PEDS1: variants seen among roughly 807,000 people sequenced by gnomAD.
PEDS1 encodes plasmanylethanolamine desaturase 1.
A neutral mutation model predicts 35.2 loss-of-function variants in PEDS1; 14 were observed. The ratio of observed to expected loss-of-function variants is 0.40; its 90% CI spans 0.26 to 0.62. The LOEUF (loss-of-function observed/expected upper bound fraction) is 0.62, where lower values mean the gene tolerates loss of function less well. Ranked by LOEUF, PEDS1 falls within the 20% of genes least tolerant of loss-of-function variation. The pLI is 0.44. For synonymous variants in PEDS1, 152 were observed against 152.0 expected, an observed-to-expected ratio of 1.00 and a Z score of 0.00; for missense variants, 260 against 367.8, an observed-to-expected ratio of 0.71 and a Z score of 2.40.
Position 50,129,412 on chromosome 20 carries a change from T to C in PEDS1, c.478+134A>G, listed in dbSNP as rs537247029. ...CATCTTCATGTCAGGTTTCCTGATT[T>C]TACATGAAGACAATGAATGAAAACT... On this transcript the variant is annotated intron_variant, in intron 4 of 5. Transcript: ENST00000371652. This position sits in a 1 kb window ranked among gnomAD's most constrained non-coding sequence, Gnocchi z 4.2. The C allele has an allele frequency of 2.9e-6, 4 of 1,357,504 alleles. No individual in the cohort carries two copies. The East Asian group carries it at 1.0e-4, about 34-fold the overall frequency. The allele number at this position is 1,357,504 out of a possible 1,614,324, so 84.1% of individuals were successfully genotyped here.
intron 1 of PEDS1, chr20:50,151,188 A>G: frequency 8.0e-7 from 1 of 1,256,248 alleles, no homozygotes; most frequent in Admixed American, 2.3e-5. Flanking sequence ...TGGAGAAACC[A>G]GTTTGGCAAG....
In PEDS1 at chr20:50,128,342, G is replaced by C. The variant is rs528845990; in HGVS notation, c.479-155C>G. 7.9e-5 allele frequency among the ~76,000 whole-genome samples: 12 copies of C among 152,330 alleles called. No homozygotes were observed. Among genetic ancestry groups the C allele is most frequent in the African/African-American group, 2.4e-4 (10 of 41,576 alleles). On this transcript the variant is annotated intron_variant, in intron 4 of 5. Coordinates refer to ENST00000371652, the MANE Select transcript of PEDS1 (RefSeq NM_199129.4). This position sits in a 1 kb window ranked among gnomAD's most constrained non-coding sequence, Gnocchi z 5.2. ...CCTGCAGGGCCGCAGGCAAGCTCAG[G>C]TGCTGCCCTGGGCTTCAGGCTTTCC...
intron 5 of PEDS1, 146 bp downstream of exon 5, chr20:50,127,829 G>A (rs2081126472): frequency 5.2e-6 from 6 of 1,144,970 alleles, no homozygotes; most frequent in African/African-American, 4.6e-5. Context: ...CACACAGTAG[G>A]TGCTCAATAA....
chr20:50,127,331 T>C (rs1395382376), intron 5 of PEDS1, among the ~76,000 whole-genome samples: 3 of 146,658 alleles, frequency 2.0e-5, no homozygotes, highest in South Asian at 4.3e-4. Flanking sequence ...CAAGGATCCG[T>C]GTTTTCTGGT....
intron 1 of PEDS1, among the ~76,000 whole-genome samples, chr20:50,146,094 C>T (rs1031275403): frequency 1.6e-4 from 24 of 152,214 alleles, no homozygotes; most frequent in Non-Finnish European, 1.3e-4. Context: ...CAGGCCCCCA[C>T]TTAAGCAGCG....
chr20:50,139,404 C>T (rs972637859), intron 2 of PEDS1, among the ~76,000 whole-genome samples: 1 of 152,146 alleles, frequency 6.6e-6, no homozygotes, highest in African/African-American at 2.4e-5. Context: ...GGTCCCTTTA[C>T]TGGCCACCTT....
chr20:50,130,086 G>A (rs914772324), intron 3 of PEDS1, among the ~76,000 whole-genome samples: 2 of 152,130 alleles, frequency 1.3e-5, no homozygotes, highest in East Asian at 3.8e-4. Flanking sequence ...CTTAGTCCAG[G>A]CTCTTCTGAC....
At chr20:50,125,310 C>T (rs987828839) in intron 5 of PEDS1, 131 bp from the exon 6 acceptor site, 28 of 1,257,260 alleles carry the variant, frequency 2.2e-5, no homozygotes, top group Admixed American at 1.7e-4. Flanking sequence ...ACACAGGGAC[C>T]GGCCAAGGAA....
intron 2 of PEDS1, among the ~76,000 whole-genome samples, chr20:50,138,791 C>T (rs2081261996): frequency 1.3e-5 from 2 of 152,340 alleles, no homozygotes; most frequent in South Asian, 4.1e-4. Context: ...AGCCGGCTCC[C>T]CCTGGGGGCA....
intron 1 of PEDS1, among the ~76,000 whole-genome samples, chr20:50,146,194 G>T (rs2081343657): frequency 6.6e-6 from 1 of 152,092 alleles, no homozygotes; most frequent in Non-Finnish European, 1.5e-5. Context: ...TTAGGACTCT[G>T]TGCATGCTGT....
At position 50,122,052 on chromosome 20, in the gene PEDS1, C is replaced by G. The variant is rs1024841345; in HGVS notation, c.*3006G>C. 2.0e-5 allele frequency: 3 copies of G among 152,260 alleles called. No individual in the cohort carries two copies. The highest frequency in any genetic ancestry group is 7.2e-5 in the African/African-American group (3 of 41,446). The allele number at this position is 152,260 out of a possible 1,614,324, so 9.4% of individuals were successfully genotyped here. On this transcript the variant is annotated 3_prime_UTR_variant, in exon 6 of 6. Transcript: ENST00000371652. The stretch of plus-strand genomic sequence containing the variant: ...TTCAGGGATGGGCACGTGACCCAGT[C>G]CAGACCAATGAGAGCCTGCCCTGGG...
chr20:50,126,366 A>G (rs1050999896), intron 5 of PEDS1, among the ~76,000 whole-genome samples: 2 of 152,190 alleles, frequency 1.3e-5, no homozygotes, highest in African/African-American at 4.8e-5. Flanking sequence ...AGCCCTGCCT[A>G]AGTAGTTAAC....
chr20:50,147,880 G>A (rs908509691), intron 1 of PEDS1, among the ~76,000 whole-genome samples: 5 of 114,830 alleles, frequency 4.4e-5, no homozygotes, highest in Non-Finnish European at 8.6e-5. Flanking sequence ...TGAACATGGT[G>A]AAACCCCGTC....
At chr20:50,149,150 T>C (rs1444792179) in intron 1 of PEDS1, among the ~76,000 whole-genome samples, 1 of 151,732 alleles carries the variant, frequency 6.6e-6, no homozygotes, top group African/African-American at 2.4e-5. Flanking sequence ...GAAACAAAGA[T>C]GAGAAACAGA....
chr20:50,131,396 C>T (rs542600533), intron 2 of PEDS1, among the ~76,000 whole-genome samples: 11 of 152,160 alleles, frequency 7.2e-5, no homozygotes, highest in South Asian at 6.2e-4. Context: ...CTGAGGCAGG[C>T]GGATCACTTG....
At chr20:50,135,665 A>AAAAG (rs1209608076) in intron 2 of PEDS1, among the ~76,000 whole-genome samples, 3 of 150,768 alleles carry the variant, frequency 2.0e-5, no homozygotes, top group African/African-American at 7.3e-5. Flanking sequence ...TCTCAAAAAA[A>AAAAG]AAAAAAAAAA....
chr20:50,140,497 G>A (rs766464067), intron 2 of PEDS1, among the ~76,000 whole-genome samples: 13 of 152,186 alleles, frequency 8.5e-5, no homozygotes, highest in Non-Finnish European at 1.6e-4. Context: ...CAATGGCTTC[G>A]CTCTGTTCCC....
chr20:50,133,975 G>A (rs970468769), intron 2 of PEDS1, among the ~76,000 whole-genome samples: 3 of 152,200 alleles, frequency 2.0e-5, no homozygotes, highest in Non-Finnish European at 4.4e-5. Flanking sequence ...CAGGTCCATG[G>A]CATTATTAGA....
chr20:50,138,489 TCCC>T (rs1369106630), intron 2 of PEDS1, among the ~76,000 whole-genome samples: 1 of 152,166 alleles, frequency 6.6e-6, no homozygotes, highest in East Asian at 1.9e-4. Context: ...ACAGCAAGCA[TCCC>T]CCCAACGCAG....
Sources: allele counts gnomAD v4.1 joint callset (sites outside exome capture counted in the v4.1 genomes callset), GRCh38; gene constraint gnomAD v4.1.1; non-coding constraint Gnocchi (gnomAD v3.1); transcripts MANE v1.5; gene names NCBI Gene and HGNC (gene_info 2026-07-23, HGNC 2026-07-21).